ST8SIA4: variants seen among roughly 807,000 people sequenced by gnomAD.
The protein encoded by ST8SIA4 is CMP-N-acetylneuraminate-poly-alpha-2,8-sialyltransferase.
In ST8SIA4, 15 loss-of-function variants were observed where a neutral mutation model predicts 33.9. That is an observed-to-expected ratio of 0.44 (90% CI 0.30 to 0.68). The LOEUF is 0.68. Ranked by LOEUF, ST8SIA4 falls within the 30% of genes least tolerant of loss-of-function variation. The pLI, the probability that ST8SIA4 is intolerant of heterozygous loss-of-function variation, is 0.10. For missense variants in ST8SIA4, 321 were observed against 428.0 expected (o/e 0.75, Z 2.21); for synonymous variants, 171 against 151.2 (o/e 1.13, Z -0.96).
At chr5:100,882,169 C>A (rs1413695165) in intron 3 of ST8SIA4, among the ~76,000 whole-genome samples, 1 of 152,136 alleles carries the variant, frequency 6.6e-6, no homozygotes, top group Non-Finnish European at 1.5e-5. Flanking sequence ...TGGCATTGAC[C>A]AAAAGCCTGA....
At chr5:100,879,030 C>T (rs770314986) in intron 3 of ST8SIA4, among the ~76,000 whole-genome samples, 2 of 152,102 alleles carry the variant, frequency 1.3e-5, no homozygotes, top group African/African-American at 2.4e-5. Flanking sequence ...TAATCTACAA[C>T]ATTCTAACTT....
At chr5:100,846,221 C>T (rs903552284) in intron 4 of ST8SIA4, among the ~76,000 whole-genome samples, 1 of 151,772 alleles carries the variant, frequency 6.6e-6, no homozygotes, top group African/African-American at 2.4e-5. Context: ...CTACCCAGAT[C>T]GATGAAAAAA....
intron 4 of ST8SIA4, among the ~76,000 whole-genome samples, chr5:100,839,471 A>T (rs1751431042): frequency 6.6e-6 from 1 of 151,946 alleles, no homozygotes; most frequent in Admixed American, 6.6e-5. Flanking sequence ...TAACCATTGA[A>T]ATCCTATTTT....
intron 4 of ST8SIA4, among the ~76,000 whole-genome samples, chr5:100,812,930 C>A (rs1750843350): frequency 6.6e-6 from 1 of 152,066 alleles, no homozygotes; most frequent in Non-Finnish European, 1.5e-5. Context: ...AGGACAATGA[C>A]CTTTTTTGAA....
intron 3 of ST8SIA4, chr5:100,886,044 A>C (rs1359428681): frequency 1.2e-5 from 13 of 1,104,454 alleles, no homozygotes; most frequent in Non-Finnish European, 1.4e-5. Flanking sequence ...ATACTAAGAA[A>C]AAAGTTTGTG....
At chr5:100,900,384 C>G (rs1045740158) in intron 1 of ST8SIA4, 2 of 455,836 alleles carry the variant, frequency 4.4e-6, no homozygotes, top group African/African-American at 4.0e-5. Flanking sequence ...TCAAAACTGG[C>G]CTCTCCACGT....
chr5:100,826,476 G>T (rs1443125966), intron 4 of ST8SIA4, among the ~76,000 whole-genome samples: 1 of 151,730 alleles, frequency 6.6e-6, no homozygotes, highest in Non-Finnish European at 1.5e-5. Flanking sequence ...TAGGTACTTG[G>T]GGCCAAAAAA....
chr5:100,878,492 C>A lies in ST8SIA4; in HGVS notation c.503+7851G>T, dbSNP rs1419424726. ...GTGCTGGGCTGCAAAGTTTTTATTC[C>A]CAGGCATTACTTTTGCTCATTTTTT... On this transcript the variant is annotated intron_variant, in intron 3 of 4. Coordinates refer to ENST00000231461, the MANE Select transcript of ST8SIA4 (RefSeq NM_005668.6). Among the ~76,000 whole-genome samples, 7 of 152,140 alleles carry A rather than the reference C, an allele frequency of 4.6e-5. No homozygotes were observed. In the South Asian group the frequency reaches 1.5e-3, roughly 32 times the overall value.
At position 100,833,231 on chromosome 5, in the gene ST8SIA4, C is replaced by A. The variant is rs10060755; in HGVS notation, c.798-21102G>T. On this transcript the variant is annotated intron_variant, in intron 4 of 4. Coordinates refer to ENST00000231461, the MANE Select transcript of ST8SIA4 (RefSeq NM_005668.6). ...CCCTGGTACCTAGCACAGAGTCTTG[C>A]ATGTAGAGGAAGACAATAAATCTTT... Among the ~76,000 whole-genome samples, 985 of 152,172 alleles carry A rather than the reference C, an allele frequency of 6.5e-3. 13 individuals are homozygous for A. Among genetic ancestry groups the A allele is most frequent in the African/African-American group, 0.023 (944 of 41,530 alleles).
At chr5:100,867,763 T>C (rs1752100216) in intron 3 of ST8SIA4, among the ~76,000 whole-genome samples, 1 of 152,018 alleles carries the variant, frequency 6.6e-6, no homozygotes, top group African/African-American at 2.4e-5. Flanking sequence ...ATTTTTAACT[T>C]AGTATATATT....
At chr5:100,877,970 C>T (rs1752342018) in intron 3 of ST8SIA4, among the ~76,000 whole-genome samples, 1 of 152,062 alleles carries the variant, frequency 6.6e-6, no homozygotes, top group Non-Finnish European at 1.5e-5. Flanking sequence ...ATTCAAATGG[C>T]TATTAATTAA....
chr5:100,889,359 T>G (rs1752610669), intron 2 of ST8SIA4, among the ~76,000 whole-genome samples: 1 of 151,944 alleles, frequency 6.6e-6, no homozygotes, highest in Admixed American at 6.6e-5. Flanking sequence ...GTTATCGTTT[T>G]TCTTTGAATA....
chr5:100,829,254 T>C (rs1171545426), intron 4 of ST8SIA4, among the ~76,000 whole-genome samples: 1 of 152,122 alleles, frequency 6.6e-6, no homozygotes, highest in East Asian at 1.9e-4. Flanking sequence ...TGTCTCTCTC[T>C]CCCCTCCAAA....
In ST8SIA4 at chr5:100,894,980, A is replaced by G. The variant is rs145661968; in HGVS notation, c.245+674T>C. ...AATGCAATGTAACTATAAAGAAAAA[A>G]CAATCTTCCTGTTTCCTCCATAATT... On this transcript the variant is annotated intron_variant, in intron 2 of 4. Coordinates refer to ENST00000231461, the MANE Select transcript of ST8SIA4 (RefSeq NM_005668.6). Among the ~76,000 whole-genome samples, 539 of 152,202 alleles carry G rather than the reference A, an allele frequency of 3.5e-3. 1 individual carries two copies. Among genetic ancestry groups the G allele is most frequent in the African/African-American group, 0.012 (488 of 41,560 alleles).
chr5:100,832,825 G>T lies in ST8SIA4; in HGVS notation c.798-20696C>A, dbSNP rs572676349. On this transcript the variant is annotated intron_variant, in intron 4 of 4. Transcript: ENST00000231461. Reference sequence around the variant, plus strand: ...CTAACTTTTCTACTCTATTGCTTTTGCTCCTCTTTCCCTCTATGTGTCAAG... The same window carrying T: ...CTAACTTTTCTACTCTATTGCTTTTTCTCCTCTTTCCCTCTATGTGTCAAG... Among the ~76,000 whole-genome samples the T allele has an allele frequency of 5.9e-5, 9 of 151,930 alleles. 1 individual carries two copies. The South Asian group carries it at 1.7e-3, about 28-fold the overall frequency.
chr5:100,860,436 A>C (rs1267163779), intron 3 of ST8SIA4, among the ~76,000 whole-genome samples: 1 of 152,152 alleles, frequency 6.6e-6, no homozygotes, highest in South Asian at 2.1e-4. Flanking sequence ...TTGAGGAGCA[A>C]ATAGAACAAA....
rs1750734538 is a variant in ST8SIA4 at position 100,808,248 on chromosome 5, C to T, written c.*3599G>A. 1 of 152,538 alleles carries T rather than the reference C, an allele frequency of 6.6e-6. No individual in the cohort carries two copies. Among genetic ancestry groups the T allele is most frequent in the South Asian group, 2.1e-4 (1 of 4,830 alleles). The allele number at this position is 152,538 out of a possible 1,614,324, so 9.4% of individuals were successfully genotyped here. A position where few individuals can be genotyped will look rare whatever the true frequency, so the allele number is the denominator to read the frequency against. ...CCCCTAGCATTACTTAAATAAATTG[C>T]TTTTGTAAGCATATATGTAGAAATT... On this transcript the variant is annotated 3_prime_UTR_variant, in exon 5 of 5. Transcript: ENST00000231461.
At chr5:100,872,028 TTC>T (rs1752207320) in intron 3 of ST8SIA4, among the ~76,000 whole-genome samples, 1 of 152,048 alleles carries the variant, frequency 6.6e-6, no homozygotes, top group Non-Finnish European at 1.5e-5. Flanking sequence ...AATTTTGAAA[TTC>T]AGTGTTTTAA....
rs1371788977 is a variant in ST8SIA4, at chr5:100,903,122, C to CCT, written c.-169_-168dup. The CCT allele has an allele frequency of 1.5e-5, 9 of 599,560 alleles. No homozygotes were observed. In the Admixed American group the frequency reaches 2.7e-4, roughly 18 times the overall value. The allele number at this position is 599,560 out of a possible 1,614,324, so 37.1% of individuals were successfully genotyped here. A position where few individuals can be genotyped will look rare whatever the true frequency, so the allele number is the denominator to read the frequency against. ...ACTGGGGTCTTCTGTGGCCGAGCTC[C>CCT]CTCTGGTCCTCGAACGCTGCCCAGC... On this transcript the variant is annotated 5_prime_UTR_variant, in exon 1 of 5. It removes the in-frame stop codon of an upstream open reading frame in the 5' UTR. Transcript: ENST00000231461.
Sources: allele counts gnomAD v4.1 joint callset (sites outside exome capture counted in the v4.1 genomes callset), GRCh38; gene constraint gnomAD v4.1.1; transcripts MANE v1.5; gene names NCBI Gene and HGNC (gene_info 2026-07-23, HGNC 2026-07-21).